SSBP2: variants seen among roughly 807,000 people sequenced by gnomAD.
The protein encoded by SSBP2 is single-stranded DNA-binding protein 2.
SSBP2 carries 17 observed loss-of-function variants against 61.8 expected under a neutral mutation model. The observed-to-expected ratio is 0.28, with a 90% CI of 0.19 to 0.41. The LOEUF (loss-of-function observed/expected upper bound fraction) is 0.41, where lower values mean the gene tolerates loss of function less well. Among genes scored for constraint, SSBP2 ranks in the 10% least tolerant of loss-of-function variants. SSBP2 has a pLI of 1.00. For missense variants in SSBP2, 310 were observed against 458.7 expected, an observed-to-expected ratio of 0.68 and a Z score of 2.96; for synonymous variants, 139 against 141.3, an observed-to-expected ratio of 0.98 and a Z score of 0.12.
chr5:81,583,131 C>T (rs1774787260), intron 4 of SSBP2, among the ~76,000 whole-genome samples: 1 of 151,960 alleles, frequency 6.6e-6, no homozygotes, highest in East Asian at 1.9e-4. Context: ...GTAGGAGGAT[C>T]CTTTGATCCC....
At chr5:81,686,078 C>T (rs1325786681) in intron 1 of SSBP2, among the ~76,000 whole-genome samples, 1 of 152,194 alleles carries the variant, frequency 6.6e-6, no homozygotes, top group African/African-American at 2.4e-5. Flanking sequence ...AAGAAATCAA[C>T]TTAATCCACT....
At chr5:81,667,757 A>T (rs1751270123) in intron 1 of SSBP2, among the ~76,000 whole-genome samples, 1 of 152,166 alleles carries the variant, frequency 6.6e-6, no homozygotes, top group African/African-American at 2.4e-5. Flanking sequence ...CTCTACAGAG[A>T]AAACAATATG....
At chr5:81,723,247 G>A (rs1755659130) in intron 1 of SSBP2, among the ~76,000 whole-genome samples, 1 of 151,970 alleles carries the variant, frequency 6.6e-6, no homozygotes, top group African/African-American at 2.4e-5. Flanking sequence ...TACATTGTTA[G>A]TAAGAGTTAT....
At chr5:81,631,495 C>T (rs1489323360) in intron 3 of SSBP2, among the ~76,000 whole-genome samples, 1 of 150,796 alleles carries the variant, frequency 6.6e-6, no homozygotes, top group East Asian at 1.9e-4. Flanking sequence ...AAAAAAACAC[C>T]CCACCTAGCT....
At chr5:81,589,725 T>A (rs1229646127) in intron 4 of SSBP2, among the ~76,000 whole-genome samples, 1 of 152,214 alleles carries the variant, frequency 6.6e-6, no homozygotes. Context: ...AGAGACAGTA[T>A]TTTATAAATA....
intron 3 of SSBP2, among the ~76,000 whole-genome samples, chr5:81,632,816 A>C (rs1476444122): frequency 6.6e-6 from 1 of 152,168 alleles, no homozygotes; most frequent in African/African-American, 2.4e-5. Context: ...ATTTCTCATC[A>C]TAGATGAACC....
At chr5:81,666,195 C>G (rs191602708) in intron 1 of SSBP2, among the ~76,000 whole-genome samples, 82 of 152,182 alleles carry the variant, frequency 5.4e-4, no homozygotes, top group African/African-American at 1.9e-3. Context: ...GAATACCCAG[C>G]CTTTGTTTTA....
intron 1 of SSBP2, among the ~76,000 whole-genome samples, chr5:81,662,902 C>G (rs1235965126): frequency 1.3e-5 from 2 of 152,166 alleles, no homozygotes; most frequent in African/African-American, 4.8e-5. Flanking sequence ...TGCTTGCCAA[C>G]AGGTATCATC....
chr5:81,560,458 GC>G (rs1194199954), intron 4 of SSBP2, among the ~76,000 whole-genome samples: 1 of 152,190 alleles, frequency 6.6e-6, no homozygotes, highest in Non-Finnish European at 1.5e-5. Flanking sequence ...CTTGGAAGAA[GC>G]TCAGAATCAG....
At chr5:81,444,218 T>G (rs1763223766) in intron 12 of SSBP2, among the ~76,000 whole-genome samples, 2 of 152,206 alleles carry the variant, frequency 1.3e-5, no homozygotes, top group South Asian at 4.1e-4. Flanking sequence ...TTTTGTGACC[T>G]TAACTGTTTT....
intron 4 of SSBP2, among the ~76,000 whole-genome samples, chr5:81,568,953 T>C (rs1358289984): frequency 1.3e-5 from 2 of 151,842 alleles, no homozygotes; most frequent in African/African-American, 2.4e-5. Context: ...GGGAGGGAAG[T>C]TGGTTGGATT....
Position 81,650,266 on chromosome 5 carries a change from C to A in SSBP2, c.135+1G>T. 6.4e-7 allele frequency: 1 copy of A among 1,567,314 alleles called. No individual in the cohort carries two copies. Among genetic ancestry groups the A allele is most frequent in the Admixed American group, 1.8e-5 (1 of 56,028 alleles). The stretch of plus-strand genomic sequence containing the variant: ...CAATACAGAAAATATATAAAACATA[C>A]CTCTGATAAAAATGTTTGAGCTGAT... On this transcript the variant is annotated splice_donor_variant, in intron 2 of 16. Coordinates refer to ENST00000320672, the MANE Select transcript of SSBP2 (RefSeq NM_012446.5). LOFTEE classifies it high-confidence loss of function.
At chr5:81,727,549 CA>C (rs71000857) in intron 1 of SSBP2, among the ~76,000 whole-genome samples, 19 of 146,754 alleles carry the variant, frequency 1.3e-4, no homozygotes, top group African/African-American at 2.0e-4. Flanking sequence ...AACTCCACCT[CA>C]AAAAAAAAAA....
intron 1 of SSBP2, among the ~76,000 whole-genome samples, chr5:81,750,260 C>G (rs2154034641): frequency 6.7e-6 from 1 of 149,568 alleles, no homozygotes; most frequent in South Asian, 2.1e-4. Context: ...CGCCCCAGCC[C>G]CAGCCCCAGC....
intron 4 of SSBP2, among the ~76,000 whole-genome samples, chr5:81,526,103 G>T (rs1454199355): frequency 1.3e-5 from 2 of 151,976 alleles, no homozygotes; most frequent in Admixed American, 6.6e-5. Flanking sequence ...CATCTCCTCT[G>T]AAAGAACTTA....
Position 81,539,956 on chromosome 5 carries a change from T to C in SSBP2, c.283-26239A>G, listed in dbSNP as rs542366426. 1.1e-3 allele frequency among the ~76,000 whole-genome samples: 171 copies of C among 152,270 alleles called. 1 individual carries two copies. The highest frequency in any genetic ancestry group is 3.8e-3 in the African/African-American group (158 of 41,558). Reference sequence around the variant, plus strand: ...CCCTCCCTGTGTCCATGTGTTCTCATTGTTCAACTCTCACTTATGAGTGAG... The same window carrying C: ...CCCTCCCTGTGTCCATGTGTTCTCACTGTTCAACTCTCACTTATGAGTGAG... On this transcript the variant is annotated intron_variant, in intron 4 of 16. Transcript: ENST00000320672.
chr5:81,488,065 A>ATATATTATATATATGTTGTGTGTGTGTGT (rs1459885301), intron 6 of SSBP2, among the ~76,000 whole-genome samples: 1 of 97,314 alleles, frequency 1.0e-5, no homozygotes, highest in Non-Finnish European at 2.4e-5. Flanking sequence ...ATATAAATAA[A>ATATATTATATATATGTTGTGTGTGTGTGT]ATATCATATA....
intron 5 of SSBP2, among the ~76,000 whole-genome samples, chr5:81,490,023 C>T (rs1445848702): frequency 6.9e-6 from 1 of 145,448 alleles, no homozygotes; most frequent in Non-Finnish European, 1.5e-5. Context: ...AGTAACATTT[C>T]ATTTCTTAAA....
intron 1 of SSBP2, among the ~76,000 whole-genome samples, chr5:81,679,767 A>C (rs1378522736): frequency 2.0e-5 from 3 of 152,186 alleles, no homozygotes; most frequent in African/African-American, 7.2e-5. Context: ...GTGATGGTTA[A>C]GTCTTACAGG....
Sources: allele counts gnomAD v4.1 joint callset (sites outside exome capture counted in the v4.1 genomes callset), GRCh38; gene constraint gnomAD v4.1.1; transcripts MANE v1.5; gene names NCBI Gene and HGNC (gene_info 2026-07-23, HGNC 2026-07-21).